The following NXPE2 variants were observed in gnomAD, a reference collection of about 807,000 sequenced individuals.
NXPE2 encodes neurexophilin and PC-esterase domain family member 2.
NXPE2 carries 34 observed loss-of-function variants against 34.4 expected under a neutral mutation model. The ratio of observed to expected loss-of-function variants is 0.99; its 90% CI spans 0.75 to 1.31. The LOEUF (loss-of-function observed/expected upper bound fraction) is 1.31. Ranked by LOEUF, NXPE2 falls within the 40% of genes most tolerant of loss-of-function variation. NXPE2 has a pLI of 0.00. For synonymous variants in NXPE2, 235 were observed against 231.3 expected (o/e 1.02, Z -0.15); for missense variants, 649 against 672.5 (o/e 0.97, Z 0.39).
chr11:114,668,073 T>C, the NXPE2 span, among the ~76,000 whole-genome samples: 1 of 151,712 alleles, frequency 6.6e-6, no homozygotes, highest in African/African-American at 2.4e-5. Context: ...AGAAGGATGT[T>C]CAGGAAGTGT....
the NXPE2 span, among the ~76,000 whole-genome samples, chr11:114,777,458 A>C: frequency 7.9e-5 from 12 of 152,190 alleles, 1 homozygote; most frequent in Non-Finnish European, 2.9e-5. Flanking sequence ...CTTAACCTAC[A>C]TCTTAACATT....
the NXPE2 span, among the ~76,000 whole-genome samples, chr11:114,629,268 T>G: frequency 2.0e-5 from 3 of 152,090 alleles, no homozygotes; most frequent in Admixed American, 6.6e-5. Context: ...GCAAAAATCC[T>G]CAATAAAATA....
chr11:114,769,191 A>G, the NXPE2 span, among the ~76,000 whole-genome samples: 808 of 152,314 alleles, frequency 5.3e-3, 3 homozygotes, highest in South Asian at 0.025. Context: ...TATGTGACCA[A>G]CAAACATATG....
At chr11:114,480,969 A>G in the NXPE2 span, among the ~76,000 whole-genome samples, 23 of 152,162 alleles carry the variant, frequency 1.5e-4, no homozygotes, top group African/African-American at 5.5e-4. Flanking sequence ...TGTTTCAACT[A>G]GGGGATGGAG....
chr11:114,780,650 T>C, the NXPE2 span, among the ~76,000 whole-genome samples: 1 of 152,018 alleles, frequency 6.6e-6, no homozygotes, highest in Non-Finnish European at 1.5e-5. Context: ...ATCCTGTAAA[T>C]GTAAGAGAAG....
At chr11:114,717,294 G>A in the NXPE2 span, among the ~76,000 whole-genome samples, 3 of 152,162 alleles carry the variant, frequency 2.0e-5, no homozygotes, top group African/African-American at 4.8e-5. Flanking sequence ...CTCTCTGGAC[G>A]TAAAAGTCCT....
the NXPE2 span, among the ~76,000 whole-genome samples, chr11:114,506,842 C>T: frequency 6.6e-6 from 1 of 151,960 alleles, no homozygotes; most frequent in African/African-American, 2.4e-5. Flanking sequence ...CAGAAGCAAA[C>T]AAATCCCAAA....
chr11:114,652,949 C>G, the NXPE2 span, among the ~76,000 whole-genome samples: 3 of 152,170 alleles, frequency 2.0e-5, no homozygotes, highest in Non-Finnish European at 4.4e-5. Flanking sequence ...TTTTAGTATT[C>G]TTAAAAATCT....
chr11:114,601,679 A>G, the NXPE2 span, among the ~76,000 whole-genome samples: 1 of 27,870 alleles, frequency 3.6e-5, no homozygotes, highest in Non-Finnish European at 5.7e-5. Context: ...TATTATAATT[A>G]TAGATTATAT....
At chr11:114,658,359 T>C in the NXPE2 span, among the ~76,000 whole-genome samples, 1 of 152,136 alleles carries the variant, frequency 6.6e-6, no homozygotes, top group Non-Finnish European at 1.5e-5. Flanking sequence ...AGTATAGAAT[T>C]TCCGGGAGCA....
the NXPE2 span, among the ~76,000 whole-genome samples, chr11:114,788,923 C>T: frequency 1.3e-5 from 2 of 152,186 alleles, no homozygotes; most frequent in Non-Finnish European, 2.9e-5. Context: ...TTGTAAAGTG[C>T]CTAGCAAGTA....
At chr11:114,571,297 C>A in the NXPE2 span, 2 of 1,613,946 alleles carry the variant, frequency 1.2e-6, no homozygotes, top group Non-Finnish European at 1.7e-6. Context: ...GTATTTTTTT[C>A]TCCTCCAGTT....
chr11:114,631,416 C>A, the NXPE2 span, among the ~76,000 whole-genome samples: 1 of 150,684 alleles, frequency 6.6e-6, no homozygotes, highest in Non-Finnish European at 1.5e-5. Flanking sequence ...AGTAAACTAT[C>A]GCAAGAACAA....
the NXPE2 span, chr11:114,551,402 G>A: frequency 2.2e-6 from 3 of 1,341,408 alleles, no homozygotes; most frequent in Non-Finnish European, 2.9e-6. Context: ...ACTTCTTGTC[G>A]AGGTTTCACT....
At chr11:114,756,507 T>C in the NXPE2 span, among the ~76,000 whole-genome samples, 1 of 152,184 alleles carries the variant, frequency 6.6e-6, no homozygotes, top group African/African-American at 2.4e-5. Flanking sequence ...TTTCTTCCTA[T>C]ATTTCTAAAT....
the NXPE2 span, among the ~76,000 whole-genome samples, chr11:114,712,104 C>T: frequency 6.6e-6 from 1 of 152,108 alleles, no homozygotes. Flanking sequence ...AAAATTAACT[C>T]AAAATGGATT....
At chr11:114,545,554 A>G in the NXPE2 span, among the ~76,000 whole-genome samples, 1 of 152,162 alleles carries the variant, frequency 6.6e-6, no homozygotes, top group African/African-American at 2.4e-5. Context: ...TGGTTGCCAG[A>G]GATTTGGGGA....
At chr11:114,683,800 A>G (rs1267655118) in intron 2 of NXPE2, among the ~76,000 whole-genome samples, 1 of 152,218 alleles carries the variant, frequency 6.6e-6, no homozygotes, top group South Asian at 2.1e-4. Flanking sequence ...CTGTTCAGTG[A>G]TCTGGGTGAG....
At chr11:114,715,200 T>C in the NXPE2 span, among the ~76,000 whole-genome samples, 18 of 152,282 alleles carry the variant, frequency 1.2e-4, no homozygotes, top group African/African-American at 4.3e-4. Context: ...ACACATAAAA[T>C]ATTTTTCTTC....
Sources: allele counts gnomAD v4.1 joint callset (sites outside exome capture counted in the v4.1 genomes callset), GRCh38; gene constraint gnomAD v4.1.1; transcripts MANE v1.5; gene names NCBI Gene and HGNC (gene_info 2026-07-23, HGNC 2026-07-21).